Variants in TMEM237 observed in about 807,000 individuals in gnomAD.
TMEM237 encodes the protein transmembrane protein 237, also known as amyotrophic lateral sclerosis 2 (juvenile) chromosome region, candidate 4.
In TMEM237, 51 loss-of-function variants were observed where a neutral mutation model predicts 59.1. The observed-to-expected ratio is 0.86, with a 90% CI of 0.69 to 1.09. TMEM237 has a LOEUF of 1.09. TMEM237 is among the 50% of genes least tolerant of loss of function. The probability of loss-of-function intolerance (pLI) is 0.00; values close to 1 mark genes in which losing one functional copy is unlikely to be tolerated. For synonymous variants in TMEM237, 140 were observed against 166.1 expected (o/e 0.84, Z 1.21); for missense variants, 475 against 478.3 (o/e 0.99, Z 0.06).
chr2:201,642,727 G>T, intron 1 of TMEM237: 1 of 1,528,228 alleles, frequency 6.5e-7, no homozygotes, highest in Non-Finnish European at 8.8e-7. Context: ...TCATCGGGCC[G>T]CGCCGCCTGG....
intron 11 of TMEM237, 97 bp from the exon 12 acceptor site, chr2:201,626,244 C>A (rs1224947153): frequency 7.7e-7 from 1 of 1,299,100 alleles, no homozygotes; most frequent in African/African-American, 1.5e-5. Context: ...CAGCAGTCCT[C>A]TCCTAGAGAA....
intron 1 of TMEM237, among the ~76,000 whole-genome samples, chr2:201,641,800 T>C (rs1687427200): frequency 6.6e-6 from 1 of 151,904 alleles, no homozygotes; most frequent in Admixed American, 6.6e-5. Context: ...TTCTCTGAGT[T>C]TGAGCTGAGA....
intron 10 of TMEM237, 48 bp downstream of exon 10, chr2:201,628,028 G>A (rs762808974): frequency 2.3e-6 from 3 of 1,323,746 alleles, no homozygotes; most frequent in Non-Finnish European, 2.1e-6. Context: ...TCAAAATTAT[G>A]GTATAACTGA....
At position 201,623,104 on chromosome 2, in the gene TMEM237, G is replaced by A. The variant is rs188943302; in HGVS notation, c.*1151C>T. The A allele has an allele frequency of 1.8e-4, 35 of 195,096 alleles. 1 individual carries two copies. The East Asian group carries it at 2.8e-3, about 16-fold the overall frequency. 12.1% of individuals were successfully genotyped at this position (195,096 alleles called of 1,614,324 possible). A position where few individuals can be genotyped will look rare whatever the true frequency, so the allele number is the denominator to read the frequency against. ...TTACAAACAGCAAAAGAGATTCCCA[G>A]TATAATGTTCACTCCAAATTTAGAC... is the stretch of plus-strand genomic sequence containing the variant. On this transcript the variant is annotated 3_prime_UTR_variant, in exon 13 of 13. Coordinates refer to ENST00000409883, the MANE Select transcript of TMEM237 (RefSeq NM_001044385.3).
rs11453635 is a variant in TMEM237, at chr2:201,635,762, TAAA to T, written c.274+983_274+985del. ...GGGCTATAAGAGTGAAACTCCATCTTAAAAAAAAAAAAAAAGAGGCTCGAAGAA... is the reference window on the plus strand; with the variant it reads ...GGGCTATAAGAGTGAAACTCCATCTTAAAAAAAAAAAAGAGGCTCGAAGAA... On this transcript the variant is annotated intron_variant, in intron 5 of 12. Transcript: ENST00000409883. The surrounding 1 kb of genome is among the most constrained non-coding windows in gnomAD (Gnocchi z 4.5). Among the ~76,000 whole-genome samples the T allele has an allele frequency of 7.0e-6, 1 of 142,462 alleles. No individual in the cohort carries two copies. 93.5% of individuals were successfully genotyped at this position (142,462 alleles called of 152,430 possible). A position where few individuals can be genotyped will look rare whatever the true frequency, so the allele number is the denominator to read the frequency against.
Position 201,629,818 on chromosome 2 carries a change from T to C in TMEM237, c.588A>G (p.Ile196Met), listed in dbSNP as rs374042611. 161 of 1,613,392 alleles carry C rather than the reference T, an allele frequency of 1.0e-4. No homozygotes were observed. The highest frequency in any genetic ancestry group is 1.3e-4 in the Non-Finnish European group (156 of 1,179,802). The change falls in exon 8 of 13, where the codon ATA becomes ATG. Residue 196 changes from isoleucine (I) to methionine (M), a missense_variant. Coordinates refer to ENST00000409883, the MANE Select transcript of TMEM237 (RefSeq NM_001044385.3). ...RFQAADRSEL[I>M]KTTENIDVSM... The stretch of plus-strand genomic sequence containing the variant: ...ACACATCTATGTTTTCTGTGGTCTT[T>C]ATCAACTCTGAACGATCAGCAGCCT...
In TMEM237 at chr2:201,623,286, T is replaced by C. The variant is rs137925244; in HGVS notation, c.*969A>G. 1,888 of 406,180 alleles carry C rather than the reference T, an allele frequency of 4.6e-3. 15 individuals are homozygous for C. Among genetic ancestry groups the C allele is most frequent in the Non-Finnish European group, 6.1e-3 (1,228 of 201,192 alleles). 25.2% of individuals were successfully genotyped at this position (406,180 alleles called of 1,614,324 possible). ...TCCCATAGCTAGTCTTCTCCTCAAC[T>C]TGAGCTTTAGGGTCTCATATACAAC... On this transcript the variant is annotated 3_prime_UTR_variant, in exon 13 of 13. Coordinates refer to ENST00000409883, the MANE Select transcript of TMEM237 (RefSeq NM_001044385.3).
intron 11 of TMEM237, 165 bp from the exon 12 acceptor site, chr2:201,626,312 A>G (rs1957758549): frequency 1.4e-6 from 1 of 695,662 alleles, no homozygotes. Context: ...CCACATATAT[A>G]ATGAGAACAA....
chr2:201,621,739 A>G lies in TMEM237; in HGVS notation c.*2516T>C, dbSNP rs1957710010. ...AGTGCAGTGCTTCACCAGGATGGCA[A>G]TAAAAGTATTTTAAGTCAGTGAGTA... On this transcript the variant is annotated 3_prime_UTR_variant, in exon 13 of 13. Coordinates refer to ENST00000409883, the MANE Select transcript of TMEM237 (RefSeq NM_001044385.3). The G allele has an allele frequency of 6.6e-6, 1 of 152,638 alleles. No individual in the cohort carries two copies. Among genetic ancestry groups the G allele is most frequent in the South Asian group, 2.1e-4 (1 of 4,828 alleles). 9.5% of individuals were successfully genotyped at this position (152,638 alleles called of 1,614,324 possible). A position where few individuals can be genotyped will look rare whatever the true frequency, so the allele number is the denominator to read the frequency against.
intron 1 of TMEM237, among the ~76,000 whole-genome samples, chr2:201,642,137 T>C (rs1463194871): frequency 6.6e-6 from 1 of 152,224 alleles, no homozygotes; most frequent in African/African-American, 2.4e-5. Context: ...GAAAAGTGTT[T>C]GTAGTTCAGA....
intron 1 of TMEM237, chr2:201,642,942 G>A (rs1171825690): frequency 1.4e-5 from 19 of 1,323,926 alleles, no homozygotes; most frequent in South Asian, 2.1e-5. Flanking sequence ...TTGTTTGCGG[G>A]AAGCGGGGCG....
chr2:201,643,284 ACACACC>A lies in TMEM237; in HGVS notation c.42+69_42+74del. 1 of 1,001,226 alleles carries A rather than the reference ACACACC, an allele frequency of 1.0e-6. No individual in the cohort carries two copies. Among genetic ancestry groups the A allele is most frequent in the South Asian group, 1.5e-5 (1 of 67,822 alleles). The allele number at this position is 1,001,226 out of a possible 1,614,324, so 62.0% of individuals were successfully genotyped here. ...TCCCAGCTCGTTGGCGCCCCCCCAC[ACACACC>A]CACCCCCACTGCCAAGTGTAGCTGT... On this transcript the variant is annotated intron_variant, in intron 1 of 12. Transcript: ENST00000409883. The surrounding 1 kb of genome is among the most constrained non-coding windows in gnomAD (Gnocchi z 4.3).
rs1468857301 is a variant in TMEM237, at chr2:201,623,321, A to G, written c.*934T>C. On this transcript the variant is annotated 3_prime_UTR_variant, in exon 13 of 13. Coordinates refer to ENST00000409883, the MANE Select transcript of TMEM237 (RefSeq NM_001044385.3). ...GGGTCTCATATACAACAGCTGAGGT[A>G]CCATTGGATATAGTTCTGAAGAGAT... 1 of 338,460 alleles carries G rather than the reference A, an allele frequency of 3.0e-6. No individual in the cohort carries two copies. Among genetic ancestry groups the G allele is most frequent in the Non-Finnish European group, 6.0e-6 (1 of 166,142 alleles). 21.0% of individuals were successfully genotyped at this position (338,460 alleles called of 1,614,324 possible). A position where few individuals can be genotyped will look rare whatever the true frequency, so the allele number is the denominator to read the frequency against.
Position 201,636,855 on chromosome 2 carries a change from G to C in TMEM237, c.167C>G (p.Thr56Ser). The C allele has an allele frequency of 6.2e-7, 1 of 1,607,800 alleles. No homozygotes were observed. Among genetic ancestry groups the C allele is most frequent in the South Asian group, 1.1e-5 (1 of 89,512 alleles). ...ASASLEGLAQTAGRRPSEGNE... is the reference protein window; with the variant it reads ...ASASLEGLAQSAGRRPSEGNE... ...GCCCTCAGAGGGCCTTCGACCAGCA[G>C]TCTGAGCAAGGCCTTCCAAAGAAGC... Residue 56 changes from threonine (T) to serine (S), a missense_variant, in exon 5 of 13, where the codon ACT becomes AGT. By Grantham distance (58) the Thr-to-Ser change is moderately conservative. Coordinates refer to ENST00000409883, the MANE Select transcript of TMEM237 (RefSeq NM_001044385.3).
At chr2:201,624,524 A>ATTTAAAT (rs1957740356) in intron 12 of TMEM237, among the ~76,000 whole-genome samples, 1 of 152,238 alleles carries the variant, frequency 6.6e-6, no homozygotes, top group South Asian at 2.1e-4. Context: ...ATTTTAAAAT[A>ATTTAAAT]TTTAAATTTT....
Position 201,643,244 on chromosome 2 carries a change from C to T in TMEM237, c.42+115G>A, listed in dbSNP as rs1050260892. ...GGATGCGCGCACCCCACGAGCAAGG[C>T]CCTCCCTTAGTGATTCCCAGCTCGT... is the stretch of plus-strand genomic sequence containing the variant. On this transcript the variant is annotated intron_variant, in intron 1 of 12. Coordinates refer to ENST00000409883, the MANE Select transcript of TMEM237 (RefSeq NM_001044385.3). This position sits in a 1 kb window ranked among gnomAD's most constrained non-coding sequence, Gnocchi z 4.3. The T allele has an allele frequency of 3.0e-4, 358 of 1,180,306 alleles. No individual in the cohort carries two copies. The highest frequency in any genetic ancestry group is 2.8e-4 in the Non-Finnish European group (234 of 836,146). The allele number at this position is 1,180,306 out of a possible 1,614,324, so 73.1% of individuals were successfully genotyped here. A position where few individuals can be genotyped will look rare whatever the true frequency, so the allele number is the denominator to read the frequency against.
Position 201,643,170 on chromosome 2 carries a change from C to T in TMEM237, c.42+189G>A, listed in dbSNP as rs923576620. Among the ~76,000 whole-genome samples the T allele has an allele frequency of 6.6e-6, 1 of 152,162 alleles. No homozygotes were observed. Among genetic ancestry groups the T allele is most frequent in the Admixed American group, 6.5e-5 (1 of 15,306 alleles). ...CTCTCTCCCACTCCGGGAGTTCGGTCCCGGCCTCGCCTGCGTCTCCGTCCC... is the reference window on the plus strand; with the variant it reads ...CTCTCTCCCACTCCGGGAGTTCGGTTCCGGCCTCGCCTGCGTCTCCGTCCC... On this transcript the variant is annotated intron_variant, in intron 1 of 12. Coordinates refer to ENST00000409883, the MANE Select transcript of TMEM237 (RefSeq NM_001044385.3). The surrounding 1 kb of genome is among the most constrained non-coding windows in gnomAD (Gnocchi z 4.3).
rs1193936530 is a variant in TMEM237, at chr2:201,626,264, A to G, written c.1038-117T>C. The G allele has an allele frequency of 4.6e-6, 5 of 1,077,688 alleles. No homozygotes were observed. The African/African-American group carries it at 8.0e-5, about 17-fold the overall frequency. 66.8% of individuals were successfully genotyped at this position (1,077,688 alleles called of 1,614,324 possible). A position where few individuals can be genotyped will look rare whatever the true frequency, so the allele number is the denominator to read the frequency against. On this transcript the variant is annotated intron_variant, in intron 11 of 12. Coordinates refer to ENST00000409883, the MANE Select transcript of TMEM237 (RefSeq NM_001044385.3). ...GTCCTCTCCTAGAGAAATAACAAGT[A>G]AAGTGTGAAAGAAAATATAATTTCC... is the stretch of plus-strand genomic sequence containing the variant.
chr2:201,640,915 G>A lies in TMEM237; in HGVS notation c.52C>T (p.Arg18Ter), dbSNP rs199469707. 115 of 1,602,646 alleles carry A rather than the reference G, an allele frequency of 7.2e-5. No homozygotes were observed. The highest frequency in any genetic ancestry group is 9.4e-5 in the Non-Finnish European group (110 of 1,171,944). The change falls in exon 2 of 13, where the codon CGA becomes TGA. Residue 18 changes from arginine to a stop codon, truncating the protein, a stop_gained. Coordinates refer to ENST00000409883, the MANE Select transcript of TMEM237 (RefSeq NM_001044385.3). LOFTEE classifies it high-confidence loss of function. The part of the protein sequence containing the change: ...RLEEGHLRPP[R>*]ALPPVPSQDD... ...TACCTTGGCACAGGTGGAAGAGCTCGTGGAGGACGCTGTGGCGGAAAAAAT... is the reference window on the plus strand; with the variant it reads ...TACCTTGGCACAGGTGGAAGAGCTCATGGAGGACGCTGTGGCGGAAAAAAT...
Sources: gnomAD v4.1 joint callset for allele counts (sites outside exome capture counted in the v4.1 genomes callset) on GRCh38, gnomAD v4.1.1 for gene constraint, Gnocchi (gnomAD v3.1) non-coding constraint, MANE v1.5 for transcripts, NCBI Gene and HGNC (gene_info 2026-07-23, HGNC 2026-07-21) for gene names.